Variants in SERINC5 observed in about 807,000 individuals in gnomAD.
The protein encoded by SERINC5 is chromosome 5 open reading frame 12.
A neutral mutation model predicts 63.1 loss-of-function variants in SERINC5; 41 were observed. The ratio of observed to expected loss-of-function variants is 0.65; its 90% CI spans 0.51 to 0.84. SERINC5 has a LOEUF of 0.84. Ranked by LOEUF, SERINC5 falls within the 40% of genes least tolerant of loss-of-function variation. The pLI is 0.00. For synonymous variants in SERINC5, 222 were observed against 215.2 expected (o/e 1.03, Z -0.28); for missense variants, 523 against 573.0 (o/e 0.91, Z 0.89).
At chr5:80,121,608 G>T (rs1010786748) in intron 11 of SERINC5, among the ~76,000 whole-genome samples, 1 of 152,106 alleles carries the variant, frequency 6.6e-6, no homozygotes, top group South Asian at 2.1e-4. Flanking sequence ...TATAGTCAGT[G>T]TGTTAATCCA....
chr5:80,230,404 G>A (rs796717927), intron 1 of SERINC5, among the ~76,000 whole-genome samples: 4 of 137,336 alleles, frequency 2.9e-5, no homozygotes, highest in African/African-American at 1.1e-4. Context: ...AGGTTGCAGT[G>A]AGCCAGGATC....
intron 5 of SERINC5, among the ~76,000 whole-genome samples, chr5:80,172,631 C>T (rs1047215953): frequency 2.7e-5 from 4 of 149,308 alleles, no homozygotes. Context: ...CTGTGCCAGA[C>T]ACTCCAATGA....
chr5:80,255,911 C>T lies in SERINC5; in HGVS notation c.12G>A (p.Gln4=), dbSNP rs1169221477. Residue 4 remains glutamine (Q), a synonymous_variant, in exon 1 of 12, where the codon CAG becomes CAA. Coordinates refer to ENST00000507668, the MANE Select transcript of SERINC5 (RefSeq NM_001174072.3). The part of the protein sequence containing the change: MSA[Q]CCAGQLACCC... ...CCTCGCTCACCTGGCCCGCACAGCA[C>T]TGAGCTGACATCGCGGCGGCCAATG... is the stretch of plus-strand genomic sequence containing the variant. 2 of 1,576,486 alleles carry T rather than the reference C, an allele frequency of 1.3e-6. No homozygotes were observed. Among genetic ancestry groups the T allele is most frequent in the Non-Finnish European group, 1.7e-6 (2 of 1,168,128 alleles).
intron 9 of SERINC5, among the ~76,000 whole-genome samples, chr5:80,150,045 G>A (rs1010924090): frequency 4.6e-5 from 7 of 152,188 alleles, no homozygotes; most frequent in Non-Finnish European, 1.0e-4. Context: ...CACTCTACCT[G>A]ACAAAACGCC....
intron 7 of SERINC5, 57 bp downstream of exon 7, chr5:80,166,326 C>T: frequency 2.6e-6 from 3 of 1,145,752 alleles, no homozygotes; most frequent in South Asian, 1.3e-5. Context: ...TAGCTCATTC[C>T]TCCATGAATG....
At chr5:80,119,062 C>T (rs1268206257) in intron 11 of SERINC5, among the ~76,000 whole-genome samples, 3 of 152,126 alleles carry the variant, frequency 2.0e-5, no homozygotes, top group Non-Finnish European at 4.4e-5. Flanking sequence ...GCCCCACCAT[C>T]ACTCACTAGT....
At chr5:80,119,004 C>A (rs1744440402) in intron 11 of SERINC5, among the ~76,000 whole-genome samples, 1 of 152,042 alleles carries the variant, frequency 6.6e-6, no homozygotes, top group Non-Finnish European at 1.5e-5. Context: ...ACTTGGAGTA[C>A]CTAAGAACAT....
Position 80,142,483 on chromosome 5 carries a change from C to T in SERINC5, c.*1180G>A, listed in dbSNP as rs1745570472. ...TCCTGACCTCAAGTGATCCGCCTGC[C>T]TCTGCGCACCTCTTTTTAAGTATAT... is the stretch of plus-strand genomic sequence containing the variant. On this transcript the variant is annotated 3_prime_UTR_variant, in exon 12 of 12. Coordinates refer to ENST00000507668, the MANE Select transcript of SERINC5 (RefSeq NM_001174072.3). 8.1e-6 allele frequency: 8 copies of T among 984,942 alleles called. No individual in the cohort carries two copies. Among genetic ancestry groups the T allele is most frequent in the Non-Finnish European group, 9.6e-6 (8 of 829,670 alleles). 61.0% of individuals were successfully genotyped at this position (984,942 alleles called of 1,614,324 possible).
chr5:80,210,012 T>C (rs1186485985), intron 1 of SERINC5, among the ~76,000 whole-genome samples: 1 of 151,772 alleles, frequency 6.6e-6, no homozygotes, highest in African/African-American at 2.4e-5. Context: ...GAGCAGAGAT[T>C]GCACCATTGC....
Position 80,140,802 on chromosome 5 carries a change from AGAG to A in SERINC5, c.*2858_*2860del. 1.0e-6 allele frequency: 1 copy of A among 985,374 alleles called. No homozygotes were observed. The highest frequency in any genetic ancestry group is 1.2e-6 in the Non-Finnish European group (1 of 829,912). The allele number at this position is 985,374 out of a possible 1,614,324, so 61.0% of individuals were successfully genotyped here. A position where few individuals can be genotyped will look rare whatever the true frequency, so the allele number is the denominator to read the frequency against. On this transcript the variant is annotated 3_prime_UTR_variant, in exon 12 of 12. Transcript: ENST00000507668. ...CTTTTCTACATCAGACAAATCACAC[AGAG>A]GAAATATTCACATGCAGCTTTAAAA...
At chr5:80,154,147 T>TG (rs1421292811) in intron 8 of SERINC5, among the ~76,000 whole-genome samples, 1 of 152,132 alleles carries the variant, frequency 6.6e-6, no homozygotes, top group Admixed American at 6.5e-5. Context: ...TCTGTGAACC[T>TG]GGGGCATGGG....
intron 2 of SERINC5, among the ~76,000 whole-genome samples, chr5:80,180,316 A>G (rs1004919136): frequency 6.6e-6 from 1 of 152,262 alleles, no homozygotes; most frequent in African/African-American, 2.4e-5. Context: ...AAATCACATT[A>G]TAACTATTAT....
In SERINC5 at chr5:80,143,999, G is replaced by T; in HGVS notation, c.1239-189C>A. ...CCCAAAAGAAATCATGCACCCCTTAGGTGCTCTCCCCTTCCCCATGGCCCC... is the reference window on the plus strand; with the variant it reads ...CCCAAAAGAAATCATGCACCCCTTATGTGCTCTCCCCTTCCCCATGGCCCC... On this transcript the variant is annotated intron_variant, in intron 11 of 11. Transcript: ENST00000507668. 9.1e-6 allele frequency: 6 copies of T among 661,534 alleles called. No individual in the cohort carries two copies. The South Asian group carries it at 1.2e-4, about 13-fold the overall frequency. The allele number at this position is 661,534 out of a possible 1,614,324, so 41.0% of individuals were successfully genotyped here.
chr5:80,141,018 C>T lies in SERINC5; in HGVS notation c.*2645G>A. The T allele has an allele frequency of 1.0e-6, 1 of 985,382 alleles. No individual in the cohort carries two copies. Among genetic ancestry groups the T allele is most frequent in the Non-Finnish European group, 1.2e-6 (1 of 829,894 alleles). 61.0% of individuals were successfully genotyped at this position (985,382 alleles called of 1,614,324 possible). A position where few individuals can be genotyped will look rare whatever the true frequency, so the allele number is the denominator to read the frequency against. On this transcript the variant is annotated 3_prime_UTR_variant, in exon 12 of 12. Coordinates refer to ENST00000507668, the MANE Select transcript of SERINC5 (RefSeq NM_001174072.3). ...CATTGGCACAATGTTTCCAGTTTCT[C>T]AAATCACAATTGCACAAAACTGTAG...
Position 80,143,807 on chromosome 5 carries a change from G to T in SERINC5, c.1242C>A (p.Tyr414Ter). The T allele has an allele frequency of 2.0e-6, 3 of 1,535,962 alleles. No individual in the cohort carries two copies. Among genetic ancestry groups the T allele is most frequent in the Non-Finnish European group, 2.6e-6 (3 of 1,146,792 alleles). Residue 414 changes from tyrosine to a stop codon, truncating the protein, a stop_gained, in exon 12 of 12, where the codon TAC becomes TAA. Coordinates refer to ENST00000507668, the MANE Select transcript of SERINC5 (RefSeq NM_001174072.3). LOFTEE classifies it high-confidence loss of function. The part of the protein sequence containing the change: ...VMMTVTNWFN[Y>*]ESANIESFFS... ...AGAAGCTCTCGATGTTGGCACTTTC[G>T]TAGCTGTGGAAACAAGACACCTAGC...
chr5:80,119,619 C>A (rs949769985), intron 11 of SERINC5, among the ~76,000 whole-genome samples: 2 of 152,234 alleles, frequency 1.3e-5, no homozygotes, highest in African/African-American at 4.8e-5. Context: ...TCCAGAAATT[C>A]ATAAATAGAT....
At chr5:80,124,735 C>T (rs2112241444) in intron 11 of SERINC5, among the ~76,000 whole-genome samples, 3 of 152,262 alleles carry the variant, frequency 2.0e-5, no homozygotes, top group East Asian at 1.9e-4. Context: ...TATCTCGTCA[C>T]CTGCAGAGAG....
Position 80,202,914 on chromosome 5 carries a change from G to C in SERINC5, c.167C>G (p.Thr56Arg). The change falls in exon 2 of 12, where the codon ACA (threonine) becomes AGA (arginine). Residue 56 changes from threonine (T) to arginine (R), a missense_variant. Thr to Arg is a moderately conservative substitution (Grantham distance 71). Transcript: ENST00000507668. The part of the protein sequence containing the change: ...VVVLCCIMMS[T>R]TVAHKMKEHI... ...CTCTTTCATCTTGTGAGCCACGGTT[G>C]TTGACATCATGATGCAGCAGAGGAC... is the stretch of plus-strand genomic sequence containing the variant. 6.2e-7 allele frequency: 1 copy of C among 1,612,320 alleles called. No individual in the cohort carries two copies. Among genetic ancestry groups the C allele is most frequent in the Non-Finnish European group, 8.5e-7 (1 of 1,178,608 alleles).
At chr5:80,158,811 A>G (rs60691088) in intron 8 of SERINC5, 25 bp downstream of exon 8, 83,819 of 1,604,674 alleles carry the variant, frequency 0.052, 5,345 homozygotes, top group African/African-American at 0.31. Flanking sequence ...TGCAAAAGTG[A>G]CCTTGAGTAA....
Sources: allele counts gnomAD v4.1 joint callset (sites outside exome capture counted in the v4.1 genomes callset), GRCh38; gene constraint gnomAD v4.1.1; transcripts MANE v1.5; gene names NCBI Gene and HGNC (gene_info 2026-07-23, HGNC 2026-07-21).